Variants in RGS6 observed in about 807,000 individuals in gnomAD.
The protein encoded by RGS6 is regulator of G-protein signaling 6.
In RGS6, 30 loss-of-function variants were observed where a neutral mutation model predicts 78.5. That is an observed-to-expected ratio of 0.38 (90% CI 0.29 to 0.52). The LOEUF (loss-of-function observed/expected upper bound fraction) is 0.52, where lower values mean the gene tolerates loss of function less well. RGS6 is among the 20% of genes least tolerant of loss of function. The pLI is 0.85. For synonymous variants in RGS6, 206 were observed against 206.0 expected (o/e 1.00, Z 0.00); for missense variants, 495 against 609.7 (o/e 0.81, Z 1.98).
chr14:71,882,108 C>G, the RGS6 span, among the ~76,000 whole-genome samples: 1 of 151,922 alleles, frequency 6.6e-6, no homozygotes, highest in Non-Finnish European at 1.5e-5. Flanking sequence ...TGTTAATTTC[C>G]CCTCTCAGCT....
At chr14:72,005,205 C>T (rs1025374769) in intron 2 of RGS6, among the ~76,000 whole-genome samples, 9 of 152,138 alleles carry the variant, frequency 5.9e-5, no homozygotes, top group Non-Finnish European at 2.9e-5. Context: ...TGCATTAAAA[C>T]ATTTGCATTG....
intron 2 of RGS6, among the ~76,000 whole-genome samples, chr14:72,115,437 T>C (rs915687716): frequency 6.6e-6 from 1 of 152,080 alleles, no homozygotes; most frequent in Non-Finnish European, 1.5e-5. Context: ...GAAACCCACA[T>C]TGGTCTCTTG....
In RGS6 at chr14:72,562,501, C is replaced by T. The variant is rs759184484; in HGVS notation, c.*34C>T. 87 of 1,609,606 alleles carry T rather than the reference C, an allele frequency of 5.4e-5. No homozygotes were observed. Among genetic ancestry groups the T allele is most frequent in the Admixed American group, 6.7e-5 (4 of 59,954 alleles). ...ACCGCAGGTCCAGGGCCTGGGCCCG[C>T]GGACCCCACAGGCAGGCGGCGGCGC... On this transcript the variant is annotated 3_prime_UTR_variant, in exon 18 of 18. Transcript: ENST00000553525.
At chr14:72,451,063 C>T (rs971153058) in intron 3 of RGS6, among the ~76,000 whole-genome samples, 1 of 151,068 alleles carries the variant, frequency 6.6e-6, no homozygotes, top group Non-Finnish European at 1.5e-5. Context: ...GCACGTCCCC[C>T]TGTCTCTAGG....
chr14:72,458,204 C>G, intron 4 of RGS6, 67 bp from the exon 5 acceptor site: 1 of 1,250,648 alleles, frequency 8.0e-7, no homozygotes, highest in Non-Finnish European at 1.2e-6. Flanking sequence ...TTCTGGTCTC[C>G]CAGCTTAATT....
intron 2 of RGS6, among the ~76,000 whole-genome samples, chr14:72,007,513 C>A (rs564630331): frequency 6.6e-6 from 1 of 152,208 alleles, no homozygotes; most frequent in African/African-American, 2.4e-5. Context: ...TGGCTTTGAA[C>A]GTGGCCCAAC....
chr14:72,285,771 T>G (rs1309805815), intron 2 of RGS6, among the ~76,000 whole-genome samples: 1 of 152,250 alleles, frequency 6.6e-6, no homozygotes, highest in Non-Finnish European at 1.5e-5. Flanking sequence ...TTGGCAATGT[T>G]GACCAACTTT....
chr14:72,046,034 A>G (rs1053410660), intron 2 of RGS6, among the ~76,000 whole-genome samples: 4 of 151,988 alleles, frequency 2.6e-5, no homozygotes, highest in African/African-American at 9.7e-5. Flanking sequence ...AAGTCCTCAG[A>G]GGTCTTCTTG....
chr14:72,135,426 G>A (rs1305063984), intron 2 of RGS6, among the ~76,000 whole-genome samples: 1 of 152,102 alleles, frequency 6.6e-6, no homozygotes, highest in Non-Finnish European at 1.5e-5. Context: ...TGTGAGGATG[G>A]AATTCATCAC....
chr14:71,955,079 T>C (rs2092681172), intron 1 of RGS6, among the ~76,000 whole-genome samples: 1 of 152,140 alleles, frequency 6.6e-6, no homozygotes, highest in African/African-American at 2.4e-5. Context: ...TTGGGTTGTG[T>C]TTAGTGTTTG....
intron 3 of RGS6, among the ~76,000 whole-genome samples, chr14:72,415,955 C>T (rs1271743312): frequency 6.6e-6 from 1 of 152,084 alleles, no homozygotes; most frequent in Non-Finnish European, 1.5e-5. Flanking sequence ...CAAGACCAGC[C>T]TGACCAACGT....
intron 17 of RGS6, among the ~76,000 whole-genome samples, chr14:72,556,381 A>G (rs1209188717): frequency 6.6e-6 from 1 of 152,096 alleles, no homozygotes; most frequent in Admixed American, 6.5e-5. Flanking sequence ...GCATGGGGGA[A>G]ACCACCCCCA....
intron 2 of RGS6, among the ~76,000 whole-genome samples, chr14:72,071,836 T>C (rs1426266498): frequency 1.3e-5 from 2 of 152,238 alleles, no homozygotes; most frequent in Admixed American, 1.3e-4. Context: ...TAGAATTAAA[T>C]GTTTTCACGA....
At chr14:72,084,396 A>G (rs1379078612) in intron 2 of RGS6, among the ~76,000 whole-genome samples, 2 of 152,172 alleles carry the variant, frequency 1.3e-5, no homozygotes, top group Non-Finnish European at 2.9e-5. Flanking sequence ...CATGACCTGG[A>G]GGTTTGGGAC....
At chr14:72,258,734 A>G (rs1227697840) in intron 2 of RGS6, among the ~76,000 whole-genome samples, 1 of 152,186 alleles carries the variant, frequency 6.6e-6, no homozygotes, top group Non-Finnish European at 1.5e-5. Flanking sequence ...CTTGTTGTGA[A>G]GATTATACTC....
chr14:71,921,103 T>C, the RGS6 span, among the ~76,000 whole-genome samples: 1 of 152,064 alleles, frequency 6.6e-6, no homozygotes, highest in Non-Finnish European at 1.5e-5. Context: ...TATGAAAAAA[T>C]GCTCAACATC....
chr14:72,452,104 G>A (rs2095509815), intron 3 of RGS6, among the ~76,000 whole-genome samples: 1 of 152,068 alleles, frequency 6.6e-6, no homozygotes, highest in African/African-American at 2.4e-5. Flanking sequence ...CCCACCCCCA[G>A]CTTGGGACTA....
chr14:72,206,120 A>G (rs1282018238), intron 2 of RGS6, among the ~76,000 whole-genome samples: 2 of 152,350 alleles, frequency 1.3e-5, no homozygotes, highest in Admixed American at 6.5e-5. Context: ...ATAATAGACC[A>G]GGTAAATCAA....
chr14:72,097,033 T>C (rs1261528033), intron 2 of RGS6, among the ~76,000 whole-genome samples: 1 of 152,214 alleles, frequency 6.6e-6, no homozygotes, highest in African/African-American at 2.4e-5. Flanking sequence ...GTTGCCATTC[T>C]AGTACCCTCG....
Sources: gnomAD v4.1 joint callset for allele counts (sites outside exome capture counted in the v4.1 genomes callset) on GRCh38, gnomAD v4.1.1 for gene constraint, MANE v1.5 for transcripts, NCBI Gene and HGNC (gene_info 2026-07-23, HGNC 2026-07-21) for gene names.